Variants in ATP2A2 observed in about 807,000 individuals in gnomAD.
ATP2A2 encodes the protein sarcoplasmic/endoplasmic reticulum calcium ATPase 2.
In ATP2A2, 14 loss-of-function variants were observed where a neutral mutation model predicts 109.3. That is an observed-to-expected ratio of 0.13 (90% CI 0.08 to 0.20). ATP2A2 has a LOEUF of 0.20. Ranked by LOEUF, ATP2A2 falls within the 10% of genes least tolerant of loss-of-function variation. The pLI is 1.00. For missense variants in ATP2A2, 657 were observed against 1,321.6 expected (o/e 0.50, Z 7.80); for synonymous variants, 506 against 490.9 (o/e 1.03, Z -0.41).
At chr12:110,282,041 G>T in intron 1 of ATP2A2, 134 bp downstream of exon 1, 1 of 613,136 alleles carries the variant, frequency 1.6e-6, no homozygotes, top group Non-Finnish European at 2.6e-6. Flanking sequence ...GGGCCAGCGC[G>T]CCGGCCCCGC....
At chr12:110,284,162 T>A (rs1592785711) in intron 3 of ATP2A2, among the ~76,000 whole-genome samples, 1 of 152,288 alleles carries the variant, frequency 6.6e-6, no homozygotes, top group East Asian at 1.9e-4. Context: ...AAATGTTTCT[T>A]CTTGATTGAT....
At position 110,347,568 on chromosome 12, in the gene ATP2A2, A is replaced by T; in HGVS notation, c.*1098A>T. 8.0e-7 allele frequency: 1 copy of T among 1,250,918 alleles called. No individual in the cohort carries two copies. Among genetic ancestry groups the T allele is most frequent in the Non-Finnish European group, 1.0e-6 (1 of 966,466 alleles). The allele number at this position is 1,250,918 out of a possible 1,614,324, so 77.5% of individuals were successfully genotyped here. A position where few individuals can be genotyped will look rare whatever the true frequency, so the allele number is the denominator to read the frequency against. ...ATAGAGAACATAAGGGCAAGTGTGT[A>T]TGTGTGTGTATGTGTGTGTTTTGTA... On this transcript the variant is annotated 3_prime_UTR_variant, in exon 20 of 20. Coordinates refer to ENST00000539276, the MANE Select transcript of ATP2A2 (RefSeq NM_170665.4).
chr12:110,282,692 A>C, intron 2 of ATP2A2, 21 bp from the exon 3 acceptor site: 2 of 1,613,930 alleles, frequency 1.2e-6, no homozygotes, highest in East Asian at 2.2e-5. Context: ...CAGTTAAAAC[A>C]CATGTGTTTG....
chr12:110,311,911 A>G (rs1592825427), intron 5 of ATP2A2, among the ~76,000 whole-genome samples: 1 of 152,096 alleles, frequency 6.6e-6, no homozygotes, highest in Non-Finnish European at 1.5e-5. Flanking sequence ...TGAGGCTGGG[A>G]GCCATGGCTC....
In ATP2A2 at chr12:110,294,311, G is replaced by A. The variant is rs149342340; in HGVS notation, c.324+2187G>A. Among the ~76,000 whole-genome samples, 1,475 of 152,222 alleles carry A rather than the reference G, an allele frequency of 9.7e-3. 22 individuals carry two copies. The highest frequency in any genetic ancestry group is 0.034 in the African/African-American group (1,398 of 41,522). On this transcript the variant is annotated intron_variant, in intron 4 of 19. Coordinates refer to ENST00000539276, the MANE Select transcript of ATP2A2 (RefSeq NM_170665.4). ...GCCTGCCTCGGCCTCCCAAAGTGCC[G>A]GGATTACAAGTGTGAGCCACTGTGC...
chr12:110,307,160 G>A (rs1479492334), intron 5 of ATP2A2, among the ~76,000 whole-genome samples: 4 of 151,718 alleles, frequency 2.6e-5, no homozygotes, highest in Admixed American at 6.6e-5. Flanking sequence ...AGCTTTCCAC[G>A]GGGGCTGAAC....
chr12:110,309,476 T>A (rs1169008303), intron 5 of ATP2A2, among the ~76,000 whole-genome samples: 4 of 152,166 alleles, frequency 2.6e-5, no homozygotes, highest in African/African-American at 7.2e-5. Flanking sequence ...AAATTTTATA[T>A]GTTGCTATAC....
intron 5 of ATP2A2, among the ~76,000 whole-genome samples, chr12:110,313,554 C>G (rs1241068434): frequency 4.0e-5 from 6 of 149,538 alleles, no homozygotes; most frequent in Non-Finnish European, 8.9e-5. Flanking sequence ...ACCTCAAGTG[C>G]TTCATCTGCC....
intron 14 of ATP2A2, 71 bp downstream of exon 14, chr12:110,341,065 T>C: frequency 6.5e-7 from 1 of 1,528,324 alleles, no homozygotes; most frequent in Non-Finnish European, 9.0e-7. Context: ...TTTTGACCAC[T>C]GAATTTTTTT....
At chr12:110,287,078 C>T (rs1355135173) in intron 3 of ATP2A2, among the ~76,000 whole-genome samples, 1 of 152,038 alleles carries the variant, frequency 6.6e-6, no homozygotes, top group South Asian at 2.1e-4. Flanking sequence ...CATGGTGAAA[C>T]CCCACCTGTA....
intron 5 of ATP2A2, among the ~76,000 whole-genome samples, chr12:110,319,555 A>G (rs1236831601): frequency 2.0e-5 from 3 of 150,100 alleles, no homozygotes; most frequent in African/African-American, 7.3e-5. Context: ...AGACCTTTAT[A>G]AAGGGAAAGA....
intron 5 of ATP2A2, among the ~76,000 whole-genome samples, chr12:110,322,685 A>G (rs1877368477): frequency 6.6e-6 from 1 of 152,208 alleles, no homozygotes; most frequent in Admixed American, 6.5e-5. Flanking sequence ...TAAGTAGGAA[A>G]GTATTCTTTA....
In ATP2A2 at chr12:110,308,627, C is replaced by T. The variant is rs11837028; in HGVS notation, c.463+11890C>T. Reference sequence around the variant, plus strand: ...GTATTTATTTTATTAAGACTATACACGTTGAGCCTTTTAAACTTCCACCTC... The same window carrying T: ...GTATTTATTTTATTAAGACTATACATGTTGAGCCTTTTAAACTTCCACCTC... On this transcript the variant is annotated intron_variant, in intron 5 of 19. Transcript: ENST00000539276. Among the ~76,000 whole-genome samples, 514 of 152,274 alleles carry T rather than the reference C, an allele frequency of 3.4e-3. 4 individuals carry two copies. Among genetic ancestry groups the T allele is most frequent in the African/African-American group, 0.012 (495 of 41,546 alleles).
chr12:110,345,037 G>A, intron 17 of ATP2A2, 66 bp downstream of exon 17: 1 of 1,554,766 alleles, frequency 6.4e-7, no homozygotes, highest in Non-Finnish European at 8.9e-7. Flanking sequence ...CCTTTCTGTG[G>A]TTTCGGTATC....
At chr12:110,287,147 G>A (rs1872739580) in intron 3 of ATP2A2, among the ~76,000 whole-genome samples, 1 of 152,144 alleles carries the variant, frequency 6.6e-6, no homozygotes, top group African/African-American at 2.4e-5. Context: ...CAGCTACTCA[G>A]GAGGCTGAGG....
intron 5 of ATP2A2, among the ~76,000 whole-genome samples, chr12:110,298,887 CTT>C (rs1258701739): frequency 2.0e-5 from 3 of 152,118 alleles, no homozygotes; most frequent in African/African-American, 7.2e-5. Flanking sequence ...AGGATGTTCT[CTT>C]ATATAACCTC....
At chr12:110,311,948 G>A (rs1229929399) in intron 5 of ATP2A2, among the ~76,000 whole-genome samples, 1 of 152,114 alleles carries the variant, frequency 6.6e-6, no homozygotes, top group Non-Finnish European at 1.5e-5. Flanking sequence ...AGGCTGAGAC[G>A]AGGTTCACTT....
rs377397723 is a variant in ATP2A2 at position 110,328,275 on chromosome 12, T to TA, written c.1095+271dup. On this transcript the variant is annotated intron_variant, in intron 8 of 19. Coordinates refer to ENST00000539276, the MANE Select transcript of ATP2A2 (RefSeq NM_170665.4). The stretch of plus-strand genomic sequence containing the variant: ...TAGAGAAATTATATTTTCCTTTAAT[T>TA]AAAAAAAAAAAAAGCCTGGGCGCAG... Among the ~76,000 whole-genome samples the TA allele has an allele frequency of 7.4e-3, 1,027 of 139,276 alleles. 9 individuals are homozygous for TA. The highest frequency in any genetic ancestry group is 0.023 in the African/African-American group (874 of 37,974). The allele number at this position is 139,276 out of a possible 152,430, so 91.4% of individuals were successfully genotyped here. A position where few individuals can be genotyped will look rare whatever the true frequency, so the allele number is the denominator to read the frequency against.
chr12:110,345,545 C>G, intron 18 of ATP2A2, 163 bp downstream of exon 18: 1 of 1,104,954 alleles, frequency 9.1e-7, no homozygotes, highest in Non-Finnish European at 1.3e-6. Flanking sequence ...CTGTCGTCAC[C>G]TCCAGGAAGT....
Sources: gnomAD v4.1 joint callset for allele counts (sites outside exome capture counted in the v4.1 genomes callset) on GRCh38, gnomAD v4.1.1 for gene constraint, MANE v1.5 for transcripts, NCBI Gene and HGNC (gene_info 2026-07-23, HGNC 2026-07-21) for gene names.